The following APOOL variants were observed in gnomAD, a reference collection of about 807,000 sequenced individuals.
APOOL encodes the protein apolipoprotein O like, also known as MICOS complex subunit MIC27.
In APOOL, 12 loss-of-function variants were observed where a neutral mutation model predicts 23.1. The observed-to-expected ratio is 0.52, with a 90% confidence interval of 0.33 to 0.84. The LOEUF (loss-of-function observed/expected upper bound fraction) is 0.84, where lower values mean the gene tolerates loss of function less well. Ranked by LOEUF, APOOL falls within the 40% of genes least tolerant of loss-of-function variation. APOOL has a pLI of 0.02. For synonymous variants in APOOL, 77 were observed against 69.9 expected (o/e 1.10, Z -0.51); for missense variants, 212 against 199.6 (o/e 1.06, Z -0.37).
chrX:85,034,608 T>C (rs186418345), intron 1 of APOOL, among the ~76,000 whole-genome samples: 62 of 111,548 alleles, frequency 5.6e-4, no homozygotes, highest in African/African-American at 1.9e-3. Flanking sequence ...TCAATTCTTT[T>C]CTCCCTCCCT....
chrX:85,055,857 G>A lies in APOOL; in HGVS notation c.326G>A (p.Arg109Gln), dbSNP rs368247345. Reference protein sequence around the residue: ...DAYVYLKNPPRDFLPKMGVIT... With the variant: ...DAYVYLKNPPQDFLPKMGVIT... ...TATGTCTATCTGAAGAATCCTCCTC[G>A]AGATTTTCTTCCGAAAATGGGAGTT... The change falls in exon 5 of 9, where the codon CGA (arginine) becomes CAA (glutamine). Residue 109 changes from arginine (R) to glutamine (Q), a missense_variant. Coordinates refer to ENST00000373173, the MANE Select transcript of APOOL (RefSeq NM_198450.6). 1.9e-5 allele frequency: 23 copies of A among 1,197,209 alleles called. No homozygotes were observed. In the African/African-American group the frequency reaches 3.5e-4, roughly 18 times the overall value.
At chrX:85,070,500 T>G (rs1157823908) in intron 6 of APOOL, among the ~76,000 whole-genome samples, 1 of 111,821 alleles carries the variant, frequency 8.9e-6, no homozygotes, top group Non-Finnish European at 1.9e-5. Flanking sequence ...AAATAATGTT[T>G]TAACGCCTGT....
intron 5 of APOOL, among the ~76,000 whole-genome samples, chrX:85,061,194 G>A: frequency 9.0e-6 from 1 of 111,074 alleles, no homozygotes; most frequent in Non-Finnish European, 1.9e-5. Context: ...TATTGATTTG[G>A]GTATGTTGAA....
At chrX:85,018,657 T>C (rs1004129385) in intron 1 of APOOL, among the ~76,000 whole-genome samples, 1 of 111,143 alleles carries the variant, frequency 9.0e-6, no homozygotes, top group Non-Finnish European at 1.9e-5. Context: ...TGTTTGATCA[T>C]GTCTGCTGTT....
intron 1 of APOOL, among the ~76,000 whole-genome samples, chrX:85,030,862 A>G (rs1411664728): frequency 8.9e-6 from 1 of 111,911 alleles, no homozygotes; most frequent in African/African-American, 3.2e-5. Flanking sequence ...CCTCTATACA[A>G]TTCACCCATG....
chrX:85,066,140 A>T (rs949645404), intron 5 of APOOL, among the ~76,000 whole-genome samples: 1 of 111,676 alleles, frequency 9.0e-6, no homozygotes, highest in Non-Finnish European at 1.9e-5. Flanking sequence ...CCCTTTTTAG[A>T]TTAGGGATTG....
chrX:85,041,421 A>T (rs59058759), intron 1 of APOOL, among the ~76,000 whole-genome samples: 4,946 of 111,295 alleles, frequency 0.044, 246 homozygotes, highest in African/African-American at 0.14. Flanking sequence ...CAGAGCTGCT[A>T]TTGGCCTGAA....
At chrX:85,079,485 G>T (rs777582867) in intron 8 of APOOL, among the ~76,000 whole-genome samples, 1 of 111,244 alleles carries the variant, frequency 9.0e-6, no homozygotes, top group Non-Finnish European at 1.9e-5. Flanking sequence ...TTGTTGATTC[G>T]GTTTGCCAGT....
At chrX:85,028,411 T>C (rs1200458070) in intron 1 of APOOL, among the ~76,000 whole-genome samples, 3 of 111,510 alleles carry the variant, frequency 2.7e-5, no homozygotes, top group Non-Finnish European at 5.7e-5. Flanking sequence ...GTTTTGTAGG[T>C]ACATAGTACA....
Position 85,005,401 on chromosome X carries a change from C to G in APOOL, c.15+1474C>G, listed in dbSNP as rs999152965. ...CTCCTGACCTCGTGATTCACCCCCC[C>G]CCCCCCCCGGGCCTCCCAAAGTACT... On this transcript the variant is annotated intron_variant, in intron 1 of 8. Transcript: ENST00000373173. 3.5e-4 allele frequency among the ~76,000 whole-genome samples: 11 copies of G among 31,365 alleles called. 1 individual carries two copies. In the South Asian group the frequency reaches 8.9e-3, roughly 25 times the overall value. 27.2% of individuals were successfully genotyped at this position (31,365 alleles called of 115,157 possible).
In APOOL at chrX:85,090,396, C is replaced by T. The variant is rs1924486156; in HGVS notation, c.*2718C>T. 1 of 111,344 alleles carries T rather than the reference C, an allele frequency of 9.0e-6. No homozygotes were observed. The allele number at this position is 111,344 out of a possible 1,213,427, so 9.2% of individuals were successfully genotyped here. A position where few individuals can be genotyped will look rare whatever the true frequency, so the allele number is the denominator to read the frequency against. On this transcript the variant is annotated 3_prime_UTR_variant, in exon 9 of 9. Transcript: ENST00000373173. The stretch of plus-strand genomic sequence containing the variant: ...GGAACAGGTGCTGAATTAAAGCTAA[C>T]ATACAGTATCTACTACCCTATTCTT...
At chrX:85,056,936 G>T (rs1472921403) in intron 5 of APOOL, among the ~76,000 whole-genome samples, 3 of 111,264 alleles carry the variant, frequency 2.7e-5, no homozygotes, top group Non-Finnish European at 5.7e-5. Flanking sequence ...ACACTGATCT[G>T]TTCTCTGTCA....
chrX:85,085,369 A>G (rs983664976), intron 8 of APOOL, among the ~76,000 whole-genome samples: 3 of 111,650 alleles, frequency 2.7e-5, no homozygotes, highest in African/African-American at 9.8e-5. Context: ...AATAGATCAC[A>G]TGAGTTCTAT....
In APOOL at chrX:85,041,833, C is replaced by G. The variant is rs750964130; in HGVS notation, c.16-4613C>G. On this transcript the variant is annotated intron_variant, in intron 1 of 8. Transcript: ENST00000373173. The stretch of plus-strand genomic sequence containing the variant: ...CATTTCCCTGTGGTGAGGAGCCCCC[C>G]CTTGTCTTCCTGCCAGTCCTGGGTG... Among the ~76,000 whole-genome samples, 3 of 110,671 alleles carry G rather than the reference C, an allele frequency of 2.7e-5. No homozygotes were observed. In the South Asian group the frequency reaches 1.2e-3, roughly 44 times the overall value.
intron 5 of APOOL, among the ~76,000 whole-genome samples, chrX:85,062,003 T>C (rs1358515141): frequency 9.0e-6 from 1 of 111,523 alleles, no homozygotes; most frequent in Non-Finnish European, 1.9e-5. Flanking sequence ...TCCTGCTTTC[T>C]CTTGTGGGCA....
intron 8 of APOOL, among the ~76,000 whole-genome samples, chrX:85,083,365 C>G (rs1353313977): frequency 9.0e-6 from 1 of 110,680 alleles, no homozygotes; most frequent in Non-Finnish European, 1.9e-5. Context: ...AAAAGATGGA[C>G]AAAATGGATG....
Position 85,040,175 on chromosome X carries a change from A to G in APOOL, c.16-6271A>G, listed in dbSNP as rs749803558. 2.3e-3 allele frequency among the ~76,000 whole-genome samples: 262 copies of G among 112,165 alleles called. 2 individuals are homozygous for G. Among genetic ancestry groups the G allele is most frequent in the South Asian group, 0.014 (37 of 2,708 alleles). On this transcript the variant is annotated intron_variant, in intron 1 of 8. Transcript: ENST00000373173. The stretch of plus-strand genomic sequence containing the variant: ...CTTATGAAGCATATTTTGGCTGGAT[A>G]TGATATTCTTGCTTGGAATTTGTTT...
chrX:85,029,164 G>A (rs747224504), intron 1 of APOOL, among the ~76,000 whole-genome samples: 17 of 111,441 alleles, frequency 1.5e-4, no homozygotes, highest in African/African-American at 5.2e-4. Flanking sequence ...ATATACAAGG[G>A]TTCCCTTTTC....
chrX:85,072,637 C>T (rs1923708161), intron 6 of APOOL, among the ~76,000 whole-genome samples: 1 of 110,694 alleles, frequency 9.0e-6, no homozygotes, highest in Non-Finnish European at 1.9e-5. Context: ...CATCGTGCCT[C>T]AATAGGGAAT....
Sources: allele counts gnomAD v4.1 joint callset (sites outside exome capture counted in the v4.1 genomes callset), GRCh38; gene constraint gnomAD v4.1.1; transcripts MANE v1.5; gene names NCBI Gene and HGNC (gene_info 2026-07-23, HGNC 2026-07-21).